Variants in LTK observed in about 807,000 individuals in gnomAD.
LTK encodes the protein leukocyte tyrosine kinase receptor.
Under a neutral mutation model 101.5 loss-of-function variants are expected in LTK, and 117 were observed. That is an observed-to-expected ratio of 1.15 (90% CI 0.99 to 1.34). The LOEUF is 1.34. Among genes scored for constraint, LTK ranks in the 40% most tolerant of loss-of-function variants. The pLI is 0.00. For missense variants in LTK, 1,252 were observed against 1,164.7 expected, an observed-to-expected ratio of 1.07 and a Z score of -1.09; for synonymous variants, 563 against 494.2, an observed-to-expected ratio of 1.14 and a Z score of -1.85.
chr15:41,509,661 C>A (rs1285891953), intron 7 of LTK, among the ~76,000 whole-genome samples: 1 of 152,154 alleles, frequency 6.6e-6, no homozygotes, highest in Non-Finnish European at 1.5e-5. Flanking sequence ...GAGTCCGAGA[C>A]TAGCCTGACC....
Position 41,504,797 on chromosome 15 carries a change from A to G in LTK, c.2096T>C (p.Ile699Thr). 1.2e-6 allele frequency: 2 copies of G among 1,613,018 alleles called. No individual in the cohort carries two copies. Among genetic ancestry groups the G allele is most frequent in the Non-Finnish European group, 1.7e-6 (2 of 1,179,778 alleles). ...WMPPEAFLEGIFTSKTDSWSF... is the reference protein window; with the variant it reads ...WMPPEAFLEGTFTSKTDSWSF... ...CCAGGAATCTGTCTTGGATGTGAAG[A>G]TGCCCTCCAGGAAGGCCTCTGGGGG... The change falls in exon 17 of 20, where the codon ATC (isoleucine) becomes ACC (threonine). Residue 699 changes from isoleucine to threonine, a missense_variant. By Grantham distance (89) the Ile-to-Thr change is moderately conservative. Transcript: ENST00000263800.
chr15:41,505,931 A>G lies in LTK; in HGVS notation c.1616T>C (p.Leu539Pro). 6.2e-7 allele frequency: 1 copy of G among 1,613,128 alleles called. No individual in the cohort carries two copies. The highest frequency in any genetic ancestry group is 1.1e-5 in the South Asian group (1 of 91,058). The change falls in exon 12 of 20, where the codon CTG (leucine) becomes CCG (proline). Residue 539 changes from leucine (L) to proline (P), a missense_variant. Leu to Pro is a moderately conservative substitution (Grantham distance 98). Coordinates refer to ENST00000263800, the MANE Select transcript of LTK (RefSeq NM_002344.6). ...VIGLPGDSSPLQVAIKTLPEL... is the reference protein window; with the variant it reads ...VIGLPGDSSPPQVAIKTLPEL... ...TCCTCTCACCTTGATAGCTACCTGCAGGGGACTGGAGTCCCCAGGAAGGCC... is the reference window on the plus strand; with the variant it reads ...TCCTCTCACCTTGATAGCTACCTGCGGGGGACTGGAGTCCCCAGGAAGGCC...
rs1349198983 is a variant in LTK at position 41,504,081 on chromosome 15, C to A, written c.2510G>T (p.Gly837Val). The change falls in exon 20 of 20, where the codon GGC becomes GTC. Residue 837 changes from glycine (G) to valine (V), a missense_variant. By Grantham distance (109) the Gly-to-Val change is moderately radical. Transcript: ENST00000263800. ...CTTGAGGCCAGAGGACAGCCAGGGG[C>A]CAAGAGGGCTACCTCCCCAGCTTTT... is the stretch of plus-strand genomic sequence containing the variant. ...KLKSWGGSPL[G>V]PWLSSGLKPL... 1.2e-6 allele frequency: 2 copies of A among 1,614,036 alleles called. No homozygotes were observed. Among genetic ancestry groups the A allele is most frequent in the Middle Eastern group, 1.7e-4 (1 of 6,058 alleles).
intron 3 of LTK, 150 bp downstream of exon 3, chr15:41,512,557 C>T (rs1302744970): frequency 1.0e-5 from 11 of 1,083,712 alleles, no homozygotes; most frequent in Non-Finnish European, 1.4e-5. Flanking sequence ...AACTCGGTGG[C>T]GACTACTGCC....
At position 41,511,637 on chromosome 15, in the gene LTK, C is replaced by G; in HGVS notation, c.658-59G>C. The G allele has an allele frequency of 7.1e-7, 1 of 1,408,798 alleles. No individual in the cohort carries two copies. Among genetic ancestry groups the G allele is most frequent in the Non-Finnish European group, 9.1e-7 (1 of 1,093,442 alleles). The allele number at this position is 1,408,798 out of a possible 1,614,324, so 87.3% of individuals were successfully genotyped here. ...CTCCAGCTGTCCAGGGGCACTGCCACTGGGAGAGGGCTCCCGCCCAGGGGG... is the reference window on the plus strand; with the variant it reads ...CTCCAGCTGTCCAGGGGCACTGCCAGTGGGAGAGGGCTCCCGCCCAGGGGG... On this transcript the variant is annotated intron_variant, in intron 5 of 19. Coordinates refer to ENST00000263800, the MANE Select transcript of LTK (RefSeq NM_002344.6). The surrounding 1 kb of genome is among the most constrained non-coding windows in gnomAD (Gnocchi z 5.9).
At chr15:41,510,530 C>T (rs1357942525) in intron 7 of LTK, among the ~76,000 whole-genome samples, 6 of 151,054 alleles carry the variant, frequency 4.0e-5, no homozygotes, top group Non-Finnish European at 8.9e-5. Context: ...GGAGTGATCT[C>T]GGCTCACTGC....
chr15:41,504,769 T>C lies in LTK; in HGVS notation c.2120+4A>G, dbSNP rs768340885. The C allele has an allele frequency of 9.6e-6, 15 of 1,555,332 alleles. No individual in the cohort carries two copies. The highest frequency in any genetic ancestry group is 1.3e-5 in the Non-Finnish European group (15 of 1,135,462). On this transcript the variant is annotated splice_donor_region_variant and intron_variant, in intron 17 of 19. Coordinates refer to ENST00000263800, the MANE Select transcript of LTK (RefSeq NM_002344.6). ...GGGGAAGGGGAGGGGAAGGGTGTTATCACCAGGAATCTGTCTTGGATGTGA... is the reference window on the plus strand; with the variant it reads ...GGGGAAGGGGAGGGGAAGGGTGTTACCACCAGGAATCTGTCTTGGATGTGA...
Position 41,511,579 on chromosome 15 carries a change from C to T in LTK, c.658-1G>A. ...ACGGTTCCAGCTCGCCAGCGCGCAC[C>T]TGTGGGGCCAGCGGCGTGTTCCAGG... On this transcript the variant is annotated splice_acceptor_variant, in intron 5 of 19. Coordinates refer to ENST00000263800, the MANE Select transcript of LTK (RefSeq NM_002344.6). LOFTEE classifies it high-confidence loss of function. This position sits in a 1 kb window ranked among gnomAD's most constrained non-coding sequence, Gnocchi z 5.9. 3 of 1,441,512 alleles carry T rather than the reference C, an allele frequency of 2.1e-6. No homozygotes were observed. Among genetic ancestry groups the T allele is most frequent in the Non-Finnish European group, 2.7e-6 (3 of 1,109,378 alleles). The allele number at this position is 1,441,512 out of a possible 1,614,324, so 89.3% of individuals were successfully genotyped here.
rs890382651 is a variant in LTK at position 41,503,846 on chromosome 15, C to T, written c.*150G>A. 29 of 940,552 alleles carry T rather than the reference C, an allele frequency of 3.1e-5. No individual in the cohort carries two copies. The highest frequency in any genetic ancestry group is 5.2e-5 in the South Asian group (3 of 57,742). The allele number at this position is 940,552 out of a possible 1,614,324, so 58.3% of individuals were successfully genotyped here. ...CTGGTTTCCAGCATGGCAAGTGCAG[C>T]GCTGCCAGGCCAGCCCCGAGACAGG... On this transcript the variant is annotated 3_prime_UTR_variant, in exon 20 of 20. Coordinates refer to ENST00000263800, the MANE Select transcript of LTK (RefSeq NM_002344.6).
Position 41,504,202 on chromosome 15 carries a change from G to C in LTK, c.2389C>G (p.Pro797Ala), listed in dbSNP as rs1441530717. ...GAAGTCCCTTCCTCCTCTGGGGTGG[G>C]CCCCAGCTCCATTGGCAGGAGTGAA... is the stretch of plus-strand genomic sequence containing the variant. ...LNSLLPMELG[P>A]TPEEEGTSGL... The change falls in exon 20 of 20, where the codon CCC becomes GCC. Residue 797 changes from proline (P) to alanine (A), a missense_variant. Physicochemically the swap from Pro to Ala is conservative, Grantham distance 27. Transcript: ENST00000263800. 3.1e-6 allele frequency: 5 copies of C among 1,612,190 alleles called. No individual in the cohort carries two copies. Among genetic ancestry groups the C allele is most frequent in the Non-Finnish European group, 4.2e-6 (5 of 1,178,886 alleles).
Position 41,511,342 on chromosome 15 carries a change from A to G in LTK, c.819T>C (p.Gly273=). 1 of 1,356,884 alleles carries G rather than the reference A, an allele frequency of 7.4e-7. No homozygotes were observed. The highest frequency in any genetic ancestry group is 9.4e-7 in the Non-Finnish European group (1 of 1,062,480). The allele number at this position is 1,356,884 out of a possible 1,614,324, so 84.1% of individuals were successfully genotyped here. Residue 273 remains glycine, a synonymous_variant, in exon 7 of 20, where the codon GGT becomes GGC. Coordinates refer to ENST00000263800, the MANE Select transcript of LTK (RefSeq NM_002344.6). The surrounding 1 kb of genome is among the most constrained non-coding windows in gnomAD (Gnocchi z 5.9). ...GSGGRGGAAG[G]GGGWTSRAPS... ...GAGCCCGCGACGTCCAGCCGCCCCCACCACCTGCAGAGCGACAGCAGGAAG... is the reference window on the plus strand; with the variant it reads ...GAGCCCGCGACGTCCAGCCGCCCCCGCCACCTGCAGAGCGACAGCAGGAAG...
Position 41,505,191 on chromosome 15 carries a change from C to T in LTK, c.1925+17G>A, listed in dbSNP as rs1439615675. ...GGAGTTGGGATGGGGGTCCCCTGAG[C>T]CAGGACTGCTCCTAACCTGTGGATG... On this transcript the variant is annotated intron_variant, in intron 15 of 19. Transcript: ENST00000263800. 3 of 1,611,596 alleles carry T rather than the reference C, an allele frequency of 1.9e-6. No homozygotes were observed. The highest frequency in any genetic ancestry group is 2.5e-6 in the Non-Finnish European group (3 of 1,178,408).
chr15:41,507,460 G>T, intron 10 of LTK, 102 bp downstream of exon 10: 1 of 1,555,686 alleles, frequency 6.4e-7, no homozygotes, highest in Non-Finnish European at 8.7e-7. Flanking sequence ...CTCTGCTGCG[G>T]TGAGTGGTCT....
chr15:41,513,006 A>G lies in LTK; in HGVS notation c.158T>C (p.Leu53Ser). The G allele has an allele frequency of 6.2e-7, 1 of 1,613,568 alleles. No individual in the cohort carries two copies. The highest frequency in any genetic ancestry group is 8.5e-7 in the Non-Finnish European group (1 of 1,179,920). Residue 53 changes from leucine to serine, a missense_variant, in exon 2 of 20, where the codon TTG becomes TCG. Transcript: ENST00000263800. ...AGAATTCAGCGGGGAGGCTGGCTCC[A>G]AGATACTAGGCGGGGCGCTGACTTT... ...DPKVSAPPSI[L>S]EPASPLNSPG...
chr15:41,509,396 A>G (rs1157888590), intron 7 of LTK, among the ~76,000 whole-genome samples: 1 of 152,240 alleles, frequency 6.6e-6, no homozygotes, highest in African/African-American at 2.4e-5. Context: ...GAGAATGTAG[A>G]TCATGTGTGT....
In LTK at chr15:41,507,160, C is replaced by T. The variant is rs138110106; in HGVS notation, c.1476G>A (p.Pro492=). Residue 492 remains proline, a synonymous_variant, in exon 11 of 20, where the codon CCG becomes CCA. Coordinates refer to ENST00000263800, the MANE Select transcript of LTK (RefSeq NM_002344.6). Reference sequence around the variant, plus strand: ...CTGGTGGCAGAGGCCAGGACTGGGCCGGGCCAAGCCCCACCTGGCAATAAT... The same window carrying T: ...CTGGTGGCAGAGGCCAGGACTGGGCTGGGCCAAGCCCCACCTGGCAATAAT... The part of the protein sequence containing the change: ...NPYYCQVGLG[P]AQSWPLPPGV... 37 of 1,613,650 alleles carry T rather than the reference C, an allele frequency of 2.3e-5. No homozygotes were observed. Among genetic ancestry groups the T allele is most frequent in the Non-Finnish European group, 2.7e-5 (32 of 1,179,918 alleles).
At chr15:41,506,478 T>C (rs888041457) in intron 11 of LTK, among the ~76,000 whole-genome samples, 1 of 150,982 alleles carries the variant, frequency 6.6e-6, no homozygotes, top group African/African-American at 2.4e-5. Flanking sequence ...CTATTTTTTG[T>C]GTTTTTAGTA....
chr15:41,505,834 T>C, intron 12 of LTK, 57 bp from the exon 13 acceptor site: 23 of 1,603,098 alleles, frequency 1.4e-5, no homozygotes, highest in Non-Finnish European at 2.0e-5. Context: ...GGAGAGGGGG[T>C]TAACCCTAGC....
rs1206635357 is a variant in LTK, at chr15:41,504,496, C to T, written c.2255+10G>A. 3 of 1,613,062 alleles carry T rather than the reference C, an allele frequency of 1.9e-6. No individual in the cohort carries two copies. The highest frequency in any genetic ancestry group is 2.5e-6 in the Non-Finnish European group (3 of 1,179,504). On this transcript the variant is annotated intron_variant, in intron 18 of 19. Transcript: ENST00000263800. Reference sequence around the variant, plus strand: ...GAAGGACCTCCCTTCCCGGGCAGCACTCAACTCACACAGGCCCTGGGCAGC... The same window carrying T: ...GAAGGACCTCCCTTCCCGGGCAGCATTCAACTCACACAGGCCCTGGGCAGC...
Sources: allele counts gnomAD v4.1 joint callset (sites outside exome capture counted in the v4.1 genomes callset), GRCh38; gene constraint gnomAD v4.1.1; non-coding constraint Gnocchi (gnomAD v3.1); transcripts MANE v1.5; gene names NCBI Gene and HGNC (gene_info 2026-07-23, HGNC 2026-07-21).